HOOK1: variants seen among roughly 807,000 people sequenced by gnomAD.
HOOK1 encodes protein Hook homolog 1.
A neutral mutation model predicts 112.8 loss-of-function variants in HOOK1; 60 were observed. That is an observed-to-expected ratio of 0.53 (90% CI 0.43 to 0.66). The LOEUF (loss-of-function observed/expected upper bound fraction) is 0.66, where lower values mean the gene tolerates loss of function less well. Ranked by LOEUF, HOOK1 falls within the 30% of genes least tolerant of loss-of-function variation. The probability of loss-of-function intolerance (pLI) is 0.00; values close to 1 mark genes in which losing one functional copy is unlikely to be tolerated. For missense variants in HOOK1, 770 were observed against 856.0 expected (o/e 0.90, Z 1.25); for synonymous variants, 294 against 283.8 (o/e 1.04, Z -0.36).
At chr1:59,848,989 C>A in intron 11 of HOOK1, 84 bp from the exon 12 acceptor site, 1 of 677,848 alleles carries the variant, frequency 1.5e-6, no homozygotes, top group African/African-American at 1.9e-5. Context: ...ATCAGTTTTT[C>A]ATTTACTCAA....
chr1:59,817,270 G>A (rs2098382312), intron 1 of HOOK1, among the ~76,000 whole-genome samples: 1 of 152,048 alleles, frequency 6.6e-6, no homozygotes. Context: ...CACCCTTTAT[G>A]CTTCACTCTC....
At chr1:59,863,845 G>A (rs2098414882) in intron 16 of HOOK1, 7 of 969,600 alleles carry the variant, frequency 7.2e-6, no homozygotes, top group Non-Finnish European at 8.6e-6. Context: ...ATGCATGGCG[G>A]CATCTCATAT....
chr1:59,832,256 C>A, intron 4 of HOOK1, 43 bp downstream of exon 4: 4 of 1,175,320 alleles, frequency 3.4e-6, no homozygotes, highest in East Asian at 2.5e-5. Flanking sequence ...TCATGCTATA[C>A]GAAAATTACT....
chr1:59,830,272 T>A (rs2098392843), intron 3 of HOOK1, among the ~76,000 whole-genome samples: 1 of 152,104 alleles, frequency 6.6e-6, no homozygotes, highest in South Asian at 2.1e-4. Context: ...TATAGTGTAG[T>A]ATAGACTCTG....
rs776364680 is a variant in HOOK1, at chr1:59,833,418, A to G, written c.287A>G (p.Gln96Arg). ...MSYYHEFLGQ[Q>R]ISEALIPDLN... ...TTAATATTGTAGTTTTTGGGGCAGC[A>G]GATTTCAGAAGCACTTATCCCTGAT... is the stretch of plus-strand genomic sequence containing the variant. The change falls in exon 5 of 22, where the codon CAG becomes CGG. Residue 96 changes from glutamine to arginine, a missense_variant. This residue lies in a region of HOOK1 where 655 missense variants were observed against 725.9 expected (regional missense o/e 0.90). Transcript: ENST00000371208. 2.0e-6 allele frequency: 3 copies of G among 1,522,130 alleles called. No homozygotes were observed. The highest frequency in any genetic ancestry group is 2.7e-6 in the Non-Finnish European group (3 of 1,125,664). 94.3% of individuals were successfully genotyped at this position (1,522,130 alleles called of 1,614,324 possible).
intron 4 of HOOK1, among the ~76,000 whole-genome samples, chr1:59,832,729 G>C (rs1375333393): frequency 6.6e-6 from 1 of 151,756 alleles, no homozygotes; most frequent in Non-Finnish European, 1.5e-5. Context: ...TTTGATATAA[G>C]AGAGTTTATT....
chr1:59,835,211 C>T, intron 5 of HOOK1, 134 bp from the exon 6 acceptor site: 1 of 638,694 alleles, frequency 1.6e-6, no homozygotes, highest in Non-Finnish European at 2.8e-6. Flanking sequence ...GGAAGACATA[C>T]TGGTGGACAA....
chr1:59,853,779 A>T (rs1393466530), intron 12 of HOOK1, among the ~76,000 whole-genome samples: 1 of 151,584 alleles, frequency 6.6e-6, no homozygotes, highest in African/African-American at 2.4e-5. Flanking sequence ...GATTACAATT[A>T]GCATCTTACC....
intron 12 of HOOK1, among the ~76,000 whole-genome samples, chr1:59,853,170 C>T (rs374314274): frequency 6.6e-6 from 1 of 151,970 alleles, no homozygotes; most frequent in Middle Eastern, 3.2e-3. Flanking sequence ...AGTATTCTAC[C>T]TTGAATCGTT....
At position 59,864,677 on chromosome 1, in the gene HOOK1, C is replaced by A; in HGVS notation, c.1661+11C>A. On this transcript the variant is annotated intron_variant, in intron 17 of 21. Coordinates refer to ENST00000371208, the MANE Select transcript of HOOK1 (RefSeq NM_015888.6). The stretch of plus-strand genomic sequence containing the variant: ...GTTGGAAGCTCATATGTAAGTAAAA[C>A]TGATATTTCTTTTCAAATATGAGAA... 1 of 1,474,940 alleles carries A rather than the reference C, an allele frequency of 6.8e-7. No homozygotes were observed. Among genetic ancestry groups the A allele is most frequent in the Non-Finnish European group, 9.4e-7 (1 of 1,064,190 alleles). 91.4% of individuals were successfully genotyped at this position (1,474,940 alleles called of 1,614,324 possible).
intron 4 of HOOK1, 114 bp downstream of exon 4, chr1:59,832,327 A>G: frequency 6.1e-6 from 4 of 654,476 alleles, no homozygotes; most frequent in South Asian, 3.8e-5. Flanking sequence ...GTAAGTCATA[A>G]TTAGAACATG....
chr1:59,853,134 G>A (rs1559056457), intron 12 of HOOK1, among the ~76,000 whole-genome samples: 1 of 151,934 alleles, frequency 6.6e-6, no homozygotes, highest in South Asian at 2.1e-4. Context: ...TGTCAGTTAG[G>A]TCTAGTTGGT....
chr1:59,840,326 G>A lies in HOOK1; in HGVS notation c.556G>A (p.Glu186Lys). ...LEQQLKRALEELQEALAEKEE... is the reference protein window; with the variant it reads ...LEQQLKRALEKLQEALAEKEE... ...ATTTCAGCTTAAAAGAGCCTTGGAA[G>A]AACTTCAGGAAGCACTAGCAGAAAA... is the stretch of plus-strand genomic sequence containing the variant. The change falls in exon 8 of 22, where the codon GAA (glutamate) becomes AAA (lysine). Residue 186 changes from glutamate (E) to lysine (K), a missense_variant. By Grantham distance (56) the Glu-to-Lys change is moderately conservative (BLOSUM62 1). Around this residue, in one of 3 missense-constraint regions of HOOK1, gnomAD observed 655 missense variants for 725.9 expected, o/e 0.90. Transcript: ENST00000371208. 1 of 1,587,246 alleles carries A rather than the reference G, an allele frequency of 6.3e-7. No homozygotes were observed. The highest frequency in any genetic ancestry group is 8.6e-7 in the Non-Finnish European group (1 of 1,168,210).
intron 11 of HOOK1, among the ~76,000 whole-genome samples, chr1:59,848,868 G>A (rs2098405586): frequency 6.6e-6 from 1 of 151,242 alleles, no homozygotes; most frequent in South Asian, 2.1e-4. Context: ...TAATTTCTTT[G>A]GCAAAACTAT....
At chr1:59,819,126 G>A (rs973334216) in intron 1 of HOOK1, among the ~76,000 whole-genome samples, 2 of 141,512 alleles carry the variant, frequency 1.4e-5, no homozygotes, top group Non-Finnish European at 3.1e-5. Context: ...GACCTCACTC[G>A]CCCCAATAAG....
chr1:59,850,599 C>A (rs2098406654), intron 12 of HOOK1, among the ~76,000 whole-genome samples: 1 of 151,382 alleles, frequency 6.6e-6, no homozygotes, highest in Non-Finnish European at 1.5e-5. Context: ...GTACTAGTAC[C>A]ACCAGTTGAT....
intron 2 of HOOK1, among the ~76,000 whole-genome samples, chr1:59,823,169 A>T (rs1453006614): frequency 1.3e-5 from 2 of 152,054 alleles, no homozygotes; most frequent in African/African-American, 4.8e-5. Flanking sequence ...AAATACAAAA[A>T]ATTAGCCAGG....
chr1:59,861,822 T>G (rs1232383129), intron 15 of HOOK1, among the ~76,000 whole-genome samples: 1 of 152,192 alleles, frequency 6.6e-6, no homozygotes, highest in Non-Finnish European at 1.5e-5. Context: ...CAACAGAAAT[T>G]TTAGACATAC....
chr1:59,838,200 G>A (rs2098399013), intron 7 of HOOK1, among the ~76,000 whole-genome samples: 1 of 152,120 alleles, frequency 6.6e-6, no homozygotes, highest in South Asian at 2.1e-4. Flanking sequence ...AATCCTTTGG[G>A]TATATGCCCA....
Sources: allele counts gnomAD v4.1 joint callset (sites outside exome capture counted in the v4.1 genomes callset), GRCh38; gene constraint gnomAD v4.1.1; regional missense constraint gnomAD v4.1.1; transcripts MANE v1.5; gene names NCBI Gene and HGNC (gene_info 2026-07-23, HGNC 2026-07-21).